The following WNK1 variants were observed in gnomAD, a reference collection of about 807,000 sequenced individuals.
WNK1 encodes serine/threonine-protein kinase WNK1.
Under a neutral mutation model 222.8 loss-of-function variants are expected in WNK1, and 38 were observed. The observed-to-expected ratio is 0.17, with a 90% CI of 0.13 to 0.22. The LOEUF is 0.22. WNK1 is among the 10% of genes least tolerant of loss of function. WNK1 has a pLI of 1.00. For missense variants in WNK1, 2,348 were observed against 2,918.4 expected, an observed-to-expected ratio of 0.80 and a Z score of 4.50; for synonymous variants, 1,090 against 1,092.9, an observed-to-expected ratio of 1.00 and a Z score of 0.05.
chr12:883,475 A>C lies in WNK1; in HGVS notation c.3570A>C (p.Glu1190Asp). 1 of 1,614,118 alleles carries C rather than the reference A, an allele frequency of 6.2e-7. No individual in the cohort carries two copies. The highest frequency in any genetic ancestry group is 1.1e-5 in the South Asian group (1 of 91,078). Residue 1190 changes from glutamate (E) to aspartate (D), a missense_variant, in exon 16 of 28, where the codon GAA (glutamate) becomes GAC (aspartate). This residue lies in a region of WNK1 where 1,144 missense variants were observed against 1,273.6 expected (regional missense o/e 0.90). Coordinates refer to ENST00000315939, the MANE Select transcript of WNK1 (RefSeq NM_018979.4). ...GAGAAATTATTGAAAAAGCTGATGA[A>C]ATGCTCAGTGAGGATGTCAGTGTGG... is the stretch of plus-strand genomic sequence containing the variant. ...QVREIIEKAD[E>D]MLSEDVSVEP...
chr12:907,182 A>G (rs1259751796), intron 26 of WNK1, among the ~76,000 whole-genome samples: 1 of 151,992 alleles, frequency 6.6e-6, no homozygotes, highest in Non-Finnish European at 1.5e-5. Flanking sequence ...TTAACTGGGC[A>G]TGGTGGTGCA....
At chr12:779,699 G>T (rs1351139758) in intron 1 of WNK1, among the ~76,000 whole-genome samples, 2 of 152,082 alleles carry the variant, frequency 1.3e-5, no homozygotes, top group African/African-American at 4.8e-5. Flanking sequence ...ACCGCGCCTG[G>T]CTCCTTTCCC....
At position 849,706 on chromosome 12, in the gene WNK1, A is replaced by G. The variant is rs373896690; in HGVS notation, c.1312-7455A>G. On this transcript the variant is annotated intron_variant, in intron 4 of 27. Coordinates refer to ENST00000315939, the MANE Select transcript of WNK1 (RefSeq NM_018979.4). The stretch of plus-strand genomic sequence containing the variant: ...AACATTAGGTATATCTCCTAATGCT[A>G]TCCCTCCCCCCTACCCCCACCCCAC... Among the ~76,000 whole-genome samples, 603 of 152,126 alleles carry G rather than the reference A, an allele frequency of 4.0e-3. 3 individuals are homozygous for G. The highest frequency in any genetic ancestry group is 0.031 in the South Asian group (148 of 4,812).
Position 887,320 on chromosome 12 carries a change from A to T in WNK1, c.5364+16A>T, listed in dbSNP as rs1953759764. Reference sequence around the variant, plus strand: ...TCTAACCCAGGTGCCTCAAGACTTGACAAATTTCTTCCTGTGCCCTACTTT... The same window carrying T: ...TCTAACCCAGGTGCCTCAAGACTTGTCAAATTTCTTCCTGTGCCCTACTTT... On this transcript the variant is annotated intron_variant, in intron 20 of 27. Transcript: ENST00000315939. 6.2e-7 allele frequency: 1 copy of T among 1,613,690 alleles called. No homozygotes were observed. The highest frequency in any genetic ancestry group is 8.5e-7 in the Non-Finnish European group (1 of 1,179,710).
At chr12:834,449 A>G (rs958188463) in intron 4 of WNK1, among the ~76,000 whole-genome samples, 3 of 152,164 alleles carry the variant, frequency 2.0e-5, no homozygotes, top group African/African-American at 7.2e-5. Context: ...AGAAGTAGAA[A>G]TCATGGTGGG....
At chr12:851,665 C>T (rs1209802727) in intron 4 of WNK1, 4 of 1,305,978 alleles carry the variant, frequency 3.1e-6, no homozygotes, top group Non-Finnish European at 3.0e-6. Flanking sequence ...CATTTTCCTC[C>T]AATAAGAAAT....
Position 908,684 on chromosome 12 carries a change from A to G in WNK1, c.7041A>G (p.Pro2347=), listed in dbSNP as rs755064866. 2.5e-6 allele frequency: 4 copies of G among 1,614,178 alleles called. No homozygotes were observed. The highest frequency in any genetic ancestry group is 1.7e-6 in the Non-Finnish European group (2 of 1,180,040). The change falls in exon 28 of 28, where the codon CCA becomes CCG. Residue 2347 remains proline (P), a synonymous_variant. Transcript: ENST00000315939. ...WSGTGGPAPQ[P]LGQFQPVGTA... ...GGACGGGTGGCCCAGCACCACAGCC[A>G]CTTGGCCAGTTCCAACCTGTGGGAA... is the stretch of plus-strand genomic sequence containing the variant.
chr12:882,141 T>C, intron 14 of WNK1, 68 bp downstream of exon 14: 2 of 1,485,110 alleles, frequency 1.3e-6, no homozygotes, highest in Admixed American at 3.9e-5. Context: ...ATTTTAGAGG[T>C]CATCAAATCC....
At chr12:849,717 C>T (rs1282273220) in intron 4 of WNK1, among the ~76,000 whole-genome samples, 2 of 152,068 alleles carry the variant, frequency 1.3e-5, no homozygotes, top group Non-Finnish European at 2.9e-5. Context: ...TCCCTCCCCC[C>T]TACCCCCACC....
At chr12:813,561 A>G in intron 1 of WNK1, 81 bp from the exon 2 acceptor site, 2 of 1,424,120 alleles carry the variant, frequency 1.4e-6, no homozygotes, top group Non-Finnish European at 1.9e-6. Flanking sequence ...TGATTTAGTA[A>G]TGTTTAAGTG....
chr12:901,376 G>T (rs1350941915), intron 26 of WNK1, among the ~76,000 whole-genome samples: 2 of 152,230 alleles, frequency 1.3e-5, no homozygotes, highest in Admixed American at 1.3e-4. Context: ...TCCGCATTTT[G>T]CAGATGGGTA....
chr12:772,404 G>GGTGT lies in WNK1; in HGVS notation c.759+18097_759+18100dup, dbSNP rs372617624. 2.1e-4 allele frequency among the ~76,000 whole-genome samples: 25 copies of GGTGT among 117,466 alleles called. 1 individual carries two copies. Among genetic ancestry groups the GGTGT allele is most frequent in the East Asian group, 5.8e-4 (2 of 3,468 alleles). 77.1% of individuals were successfully genotyped at this position (117,466 alleles called of 152,430 possible). ...ATTTGTACACAGTAATCATAATTGG[G>GGTGT]GTGTGTGTGTGTGTGTGTGTATGTA... On this transcript the variant is annotated intron_variant, in intron 1 of 27. Transcript: ENST00000315939.
chr12:855,604 ATAACT>A (rs1378767691), intron 4 of WNK1, among the ~76,000 whole-genome samples: 8 of 152,156 alleles, frequency 5.3e-5, no homozygotes, highest in South Asian at 4.1e-4. Context: ...TGTATATTTA[ATAACT>A]TAACTTTTCT....
At chr12:894,444 T>C (rs377445407) in intron 22 of WNK1, 118 bp from the exon 23 acceptor site, 2 of 850,116 alleles carry the variant, frequency 2.4e-6, no homozygotes, top group Non-Finnish European at 2.0e-6. Context: ...GGAAGTTCTC[T>C]TTGCCTCTAA....
In WNK1 at chr12:827,498, A is replaced by T; in HGVS notation, c.1153+236A>T. 5.2e-6 allele frequency: 3 copies of T among 577,614 alleles called. No homozygotes were observed. Among genetic ancestry groups the T allele is most frequent in the East Asian group, 2.8e-5 (1 of 35,748 alleles). 35.8% of individuals were successfully genotyped at this position (577,614 alleles called of 1,614,324 possible). A position where few individuals can be genotyped will look rare whatever the true frequency, so the allele number is the denominator to read the frequency against. ...AAGAAATAAAGTGAACTTTGTTGATAAAACCTAATGTAATAGCCTTTTTTG... is the reference window on the plus strand; with the variant it reads ...AAGAAATAAAGTGAACTTTGTTGATTAAACCTAATGTAATAGCCTTTTTTG... On this transcript the variant is annotated intron_variant, in intron 3 of 27. Transcript: ENST00000315939. The surrounding 1 kb of genome is among the most constrained non-coding windows in gnomAD (Gnocchi z 4.6).
intron 1 of WNK1, among the ~76,000 whole-genome samples, chr12:773,311 TA>T (rs754059913): frequency 2.0e-5 from 3 of 152,102 alleles, no homozygotes; most frequent in African/African-American, 2.4e-5. Flanking sequence ...GACTAAGCTA[TA>T]GGGGGAAAAG....
intron 1 of WNK1, 47 bp downstream of exon 1, chr12:754,371 T>C (rs973590170): frequency 6.2e-7 from 1 of 1,612,310 alleles, no homozygotes; most frequent in African/African-American, 1.3e-5. Flanking sequence ...ATCCCAAATT[T>C]GGCTCGGCGA....
At position 865,128 on chromosome 12, in the gene WNK1, A is replaced by G. The variant is rs752135045; in HGVS notation, c.2139+2858A>G. Reference sequence around the variant, plus strand: ...TGTTGAGCCTCGTCGTGGCCGTAGCATGTCGGTTTGTGTTCCCATCTTTCT... The same window carrying G: ...TGTTGAGCCTCGTCGTGGCCGTAGCGTGTCGGTTTGTGTTCCCATCTTTCT... On this transcript the variant is annotated intron_variant, in intron 8 of 27. Transcript: ENST00000315939. 83 of 1,517,952 alleles carry G rather than the reference A, an allele frequency of 5.5e-5. No homozygotes were observed. Among genetic ancestry groups the G allele is most frequent in the Non-Finnish European group, 7.0e-5 (80 of 1,136,240 alleles). The allele number at this position is 1,517,952 out of a possible 1,614,324, so 94.0% of individuals were successfully genotyped here.
At chr12:813,966 A>G (rs755539455) in intron 2 of WNK1, 152 bp downstream of exon 2, 56 of 803,764 alleles carry the variant, frequency 7.0e-5, no homozygotes, top group Non-Finnish European at 1.1e-4. Flanking sequence ...CCTTGCCCAC[A>G]AAGTCCTCTA....
Sources: allele counts gnomAD v4.1 joint callset (sites outside exome capture counted in the v4.1 genomes callset), GRCh38; gene constraint gnomAD v4.1.1; regional missense constraint gnomAD v4.1.1; non-coding constraint Gnocchi (gnomAD v3.1); transcripts MANE v1.5; gene names NCBI Gene and HGNC (gene_info 2026-07-23, HGNC 2026-07-21).